KCNB2: variants seen among roughly 807,000 people sequenced by gnomAD.
The protein encoded by KCNB2 is potassium voltage-gated channel subfamily B member 2, also known as delayed rectifier potassium channel protein.
KCNB2 carries 15 observed loss-of-function variants against 61.5 expected under a neutral mutation model. The ratio of observed to expected loss-of-function variants is 0.24; its 90% CI spans 0.16 to 0.38. The LOEUF (loss-of-function observed/expected upper bound fraction) is 0.38. Among genes scored for constraint, KCNB2 ranks in the 10% least tolerant of loss-of-function variants. KCNB2 has a pLI of 1.00. For missense variants in KCNB2, 828 were observed against 1,125.2 expected (o/e 0.74, Z 3.78); for synonymous variants, 457 against 446.0 (o/e 1.02, Z -0.31).
intron 2 of KCNB2, among the ~76,000 whole-genome samples, chr8:72,820,984 C>G (rs1809488374): frequency 2.6e-5 from 4 of 152,088 alleles, no homozygotes; most frequent in Admixed American, 2.6e-4. Flanking sequence ...CTGTAATCTG[C>G]TAAAGTTTTT....
chr8:72,841,372 C>CTTTTTTTTTTTTTT (rs769263287), intron 2 of KCNB2, among the ~76,000 whole-genome samples: 96 of 34,228 alleles, frequency 2.8e-3, no homozygotes, highest in African/African-American at 6.7e-3. Context: ...TTTTTTTTTT[C>CTTTTTTTTTTTTTT]TTTTTTTTTT....
At chr8:72,643,182 C>G (rs1806081688) in intron 2 of KCNB2, among the ~76,000 whole-genome samples, 1 of 152,086 alleles carries the variant, frequency 6.6e-6, no homozygotes, top group Admixed American at 6.6e-5. Context: ...CATCTTGCAC[C>G]TTCATTTTTG....
chr8:72,661,206 G>A (rs758358398), intron 2 of KCNB2: 1 of 152,250 alleles, frequency 6.6e-6, no homozygotes, highest in Non-Finnish European at 1.5e-5. Flanking sequence ...ATTAGAGACA[G>A]AGTTTCACCA....
chr8:72,737,603 A>G (rs565014992), intron 2 of KCNB2, among the ~76,000 whole-genome samples: 1 of 152,300 alleles, frequency 6.6e-6, no homozygotes, highest in East Asian at 1.9e-4. Flanking sequence ...GGAAGACATC[A>G]TGATTGAGGT....
chr8:72,549,162 G>A (rs186381002), intron 1 of KCNB2, among the ~76,000 whole-genome samples: 1 of 152,254 alleles, frequency 6.6e-6, no homozygotes, highest in East Asian at 1.9e-4. Context: ...TGCCTTCTAA[G>A]TTAGCACAGT....
chr8:72,868,056 GTTT>G (rs67377649), intron 2 of KCNB2, among the ~76,000 whole-genome samples: 1 of 143,710 alleles, frequency 7.0e-6, no homozygotes, highest in African/African-American at 2.6e-5. Context: ...TTGATTTTGG[GTTT>G]TTTTTTTTAT....
At chr8:72,685,336 A>G (rs757732433) in intron 2 of KCNB2, among the ~76,000 whole-genome samples, 2 of 152,206 alleles carry the variant, frequency 1.3e-5, no homozygotes, top group South Asian at 2.1e-4. Context: ...TATATAAAAC[A>G]TAAGTTCATA....
intron 2 of KCNB2, among the ~76,000 whole-genome samples, chr8:72,762,701 C>T (rs769543775): frequency 4.6e-5 from 7 of 151,870 alleles, no homozygotes; most frequent in Non-Finnish European, 7.4e-5. Flanking sequence ...GGGAGCTTGC[C>T]TATAGAAAGT....
intron 1 of KCNB2, among the ~76,000 whole-genome samples, chr8:72,551,519 A>G (rs1203331803): frequency 6.6e-6 from 1 of 152,108 alleles, no homozygotes; most frequent in Admixed American, 6.5e-5. Flanking sequence ...CTTTCTTGCT[A>G]GAAGGCCGTC....
At chr8:72,704,061 T>C (rs1807177962) in intron 2 of KCNB2, among the ~76,000 whole-genome samples, 2 of 152,160 alleles carry the variant, frequency 1.3e-5, no homozygotes, top group African/African-American at 4.8e-5. Context: ...CACGTAAATC[T>C]CACAGCTCAA....
chr8:72,619,378 G>C, intron 2 of KCNB2: 1 of 519,590 alleles, frequency 1.9e-6, no homozygotes, highest in Non-Finnish European at 3.8e-6. Context: ...CTTGCTTTCT[G>C]CCTGTTTCAA....
At chr8:72,837,689 A>G (rs1489315868) in intron 2 of KCNB2, among the ~76,000 whole-genome samples, 1 of 152,220 alleles carries the variant, frequency 6.6e-6, no homozygotes, top group Non-Finnish European at 1.5e-5. Context: ...TGTTGAGCCA[A>G]TTAATAGCAT....
At chr8:72,756,641 A>G (rs1360241805) in intron 2 of KCNB2, among the ~76,000 whole-genome samples, 1 of 152,206 alleles carries the variant, frequency 6.6e-6, no homozygotes, top group Non-Finnish European at 1.5e-5. Context: ...AATCGAAAGC[A>G]CAGTAGAGGA....
At chr8:72,914,459 A>T (rs1806355868) in intron 2 of KCNB2, among the ~76,000 whole-genome samples, 1 of 152,204 alleles carries the variant, frequency 6.6e-6, no homozygotes, top group Admixed American at 6.5e-5. Context: ...CTTACTTATG[A>T]TTGAAAACTC....
intron 2 of KCNB2, among the ~76,000 whole-genome samples, chr8:72,695,148 C>G (rs1457886595): frequency 6.6e-6 from 1 of 152,058 alleles, no homozygotes; most frequent in African/African-American, 2.4e-5. Flanking sequence ...AAGTAAAGAA[C>G]AGTGTTTGGC....
chr8:72,848,012 G>A (rs1810028327), intron 2 of KCNB2, among the ~76,000 whole-genome samples: 1 of 152,138 alleles, frequency 6.6e-6, no homozygotes, highest in Non-Finnish European at 1.5e-5. Flanking sequence ...AGCCAGGCCT[G>A]CCCTATTGCA....
At chr8:72,572,839 G>T (rs984038382) in intron 2 of KCNB2, among the ~76,000 whole-genome samples, 1 of 152,130 alleles carries the variant, frequency 6.6e-6, no homozygotes, top group Non-Finnish European at 1.5e-5. Flanking sequence ...CCTTGAAAAT[G>T]CATGGGACGG....
chr8:72,797,062 A>AAC (rs1358421407), intron 2 of KCNB2, among the ~76,000 whole-genome samples: 3 of 152,192 alleles, frequency 2.0e-5, no homozygotes, highest in Non-Finnish European at 4.4e-5. Context: ...TCTCCAGGTC[A>AAC]ATAACGATGG....
intron 1 of KCNB2, among the ~76,000 whole-genome samples, chr8:72,553,296 C>A (rs995725289): frequency 3.3e-5 from 5 of 152,072 alleles, no homozygotes; most frequent in African/African-American, 1.2e-4. Context: ...TTTGAAATTG[C>A]CCATTTGTCT....
Sources: allele counts gnomAD v4.1 joint callset (sites outside exome capture counted in the v4.1 genomes callset), GRCh38; gene constraint gnomAD v4.1.1; transcripts MANE v1.5; gene names NCBI Gene and HGNC (gene_info 2026-07-23, HGNC 2026-07-21).